Variants in MROH1 observed in about 807,000 individuals in gnomAD.
MROH1 encodes maestro heat-like repeat-containing protein family member 1.
In MROH1, 117 loss-of-function variants were observed where a neutral mutation model predicts 116.5. That is an observed-to-expected ratio of 1.00 (90% CI 0.86 to 1.17). The LOEUF (loss-of-function observed/expected upper bound fraction) is 1.17. Among genes scored for constraint, MROH1 ranks in the 50% most tolerant of loss-of-function variants. MROH1 has a pLI of 0.00. For synonymous variants in MROH1, 921 were observed against 583.9 expected (o/e 1.58, Z -8.32); for missense variants, 1,873 against 1,338.5 (o/e 1.40, Z -6.23).
chr8:144,160,654 C>A (rs1819288167), intron 1 of MROH1, among the ~76,000 whole-genome samples: 1 of 149,826 alleles, frequency 6.7e-6, no homozygotes, highest in Non-Finnish European at 1.5e-5. Context: ...CGGCTAGAAC[C>A]CAGGCACCAG....
In MROH1 at chr8:144,163,835, G is replaced by GTCC; in HGVS notation, c.13_15dup (p.Ser5dup). The GTCC allele has an allele frequency of 3.7e-6, 6 of 1,613,732 alleles. No individual in the cohort carries two copies. Among genetic ancestry groups the GTCC allele is most frequent in the Non-Finnish European group, 5.1e-6 (6 of 1,179,756 alleles). ...AAGCTGAAACCACAGACATGACTGA[G>GTCC]TCCTCCATGAAGAGTGAGTGCATGG... On this transcript the variant is annotated inframe_insertion, in exon 3 of 44. Transcript: ENST00000326134. The surrounding 1 kb of genome is among the most constrained non-coding windows in gnomAD (Gnocchi z 4.4).
At chr8:144,148,511 A>G (rs956597218) in intron 1 of MROH1, 5 of 152,308 alleles carry the variant, frequency 3.3e-5, no homozygotes, top group African/African-American at 9.6e-5. Context: ...AGGCGGGGCC[A>G]CCGGGGGTCC....
At chr8:144,221,576 T>C (rs1836750589) in intron 13 of MROH1, among the ~76,000 whole-genome samples, 1 of 152,030 alleles carries the variant, frequency 6.6e-6, no homozygotes, top group South Asian at 2.1e-4. Context: ...GAGACTCTTG[T>C]TGTTTCCCCA....
At chr8:144,214,859 G>T (rs1041645665) in intron 12 of MROH1, among the ~76,000 whole-genome samples, 1 of 152,192 alleles carries the variant, frequency 6.6e-6, no homozygotes, top group Non-Finnish European at 1.5e-5. Context: ...ACAATAGGTG[G>T]TCTGCAAGCT....
chr8:144,176,003 C>T (rs1032776997), intron 4 of MROH1, among the ~76,000 whole-genome samples: 3 of 151,756 alleles, frequency 2.0e-5, no homozygotes, highest in African/African-American at 4.8e-5. Context: ...GAGCCGAGAT[C>T]ATAACACTGC....
chr8:144,195,664 G>A (rs1286358328), intron 10 of MROH1, among the ~76,000 whole-genome samples: 2 of 151,900 alleles, frequency 1.3e-5, no homozygotes, highest in African/African-American at 4.8e-5. Context: ...TTATAACCTT[G>A]TATTATATAT....
rs1173930776 is a variant in MROH1 at position 144,239,174 on chromosome 8, C to T, written c.1586C>T (p.Ala529Val). Residue 529 changes from alanine (A) to valine (V), a missense_variant, in exon 16 of 44, where the codon GCC (alanine) becomes GTC (valine). Coordinates refer to ENST00000326134, the MANE Select transcript of MROH1 (RefSeq NM_032450.3). ...GADAFLIQYD[A>V]HASLPSPYAV... ...GACGCCTTCCTCATCCAGTACGACG[C>T]CCATGGTGCGTGCCGCGCCGTACCC... 7.9e-6 allele frequency: 6 copies of T among 763,516 alleles called. No individual in the cohort carries two copies. In the East Asian group the frequency reaches 9.8e-5, roughly 12 times the overall value. The allele number at this position is 763,516 out of a possible 1,614,324, so 47.3% of individuals were successfully genotyped here.
chr8:144,213,464 A>G (rs898322113), intron 12 of MROH1: 1 of 193,420 alleles, frequency 5.2e-6, no homozygotes, highest in African/African-American at 2.3e-5. Flanking sequence ...GGATGCCCCG[A>G]ATATTGTGTG....
At chr8:144,225,188 G>A (rs1231465568) in intron 14 of MROH1, among the ~76,000 whole-genome samples, 3 of 151,876 alleles carry the variant, frequency 2.0e-5, no homozygotes, top group Non-Finnish European at 4.4e-5. Context: ...ACAGGCATGC[G>A]CCAGCCACCA....
rs1825413318 is a variant in MROH1 at position 144,180,761 on chromosome 8, T to C, written c.562+238T>C. Reference sequence around the variant, plus strand: ...AGAGCCCCCCACCTTACATTGTGGGTCCACTGAGGGCTGGACGTGCCTGGG... The same window carrying C: ...AGAGCCCCCCACCTTACATTGTGGGCCCACTGAGGGCTGGACGTGCCTGGG... On this transcript the variant is annotated intron_variant, in intron 7 of 43. Transcript: ENST00000326134. The surrounding 1 kb of genome is among the most constrained non-coding windows in gnomAD (Gnocchi z 7.4). Among the ~76,000 whole-genome samples the C allele has an allele frequency of 6.6e-6, 1 of 152,100 alleles. No homozygotes were observed. The highest frequency in any genetic ancestry group is 1.5e-5 in the Non-Finnish European group (1 of 68,010).
In MROH1 at chr8:144,261,858, C is replaced by G; in HGVS notation, c.*118C>G. 1.4e-6 allele frequency: 1 copy of G among 691,758 alleles called. No homozygotes were observed. 42.9% of individuals were successfully genotyped at this position (691,758 alleles called of 1,614,324 possible). A position where few individuals can be genotyped will look rare whatever the true frequency, so the allele number is the denominator to read the frequency against. Reference sequence around the variant, plus strand: ...CGACTGGAGGGGCCTGGCCCCAGAACAGGCACTGCTGGGGACCAAACCCAA... The same window carrying G: ...CGACTGGAGGGGCCTGGCCCCAGAAGAGGCACTGCTGGGGACCAAACCCAA... On this transcript the variant is annotated 3_prime_UTR_variant, in exon 44 of 44. Coordinates refer to ENST00000326134, the MANE Select transcript of MROH1 (RefSeq NM_032450.3).
rs774570306 is a variant in MROH1 at position 144,199,151 on chromosome 8, C to T, written c.978C>T (p.Pro326=). The part of the protein sequence containing the change: ...QICVPVESSS[P]LVMSNQKEVL... ...GTGTGCCTGTGGAGTCCTCAAGCCC[C>T]CTGGTGATGAGTAACCAGAAGGAGG... Residue 326 remains proline (P), a synonymous_variant, in exon 11 of 44, where the codon CCC becomes CCT. Transcript: ENST00000326134. 3.7e-6 allele frequency: 6 copies of T among 1,613,638 alleles called. No individual in the cohort carries two copies. Among genetic ancestry groups the T allele is most frequent in the Non-Finnish European group, 5.1e-6 (6 of 1,179,842 alleles).
At chr8:144,174,620 A>G (rs988246950) in intron 4 of MROH1, among the ~76,000 whole-genome samples, 1 of 151,806 alleles carries the variant, frequency 6.6e-6, no homozygotes, top group African/African-American at 2.4e-5. Flanking sequence ...AGTAGCTGGG[A>G]CCACAGGCGC....
rs1169012812 is a variant in MROH1, at chr8:144,238,793, C to T, written c.1376C>T (p.Ala459Val). ...KPGPGSKDPKADSVRAISVRT... is the reference protein window; with the variant it reads ...KPGPGSKDPKVDSVRAISVRT... ...GGCCCCGGCAGCAAGGACCCCAAGG[C>T]CGACAGCGTGCGGGCCATCAGCGTG... is the stretch of plus-strand genomic sequence containing the variant. The change falls in exon 15 of 44, where the codon GCC (alanine) becomes GTC (valine). Residue 459 changes from alanine (A) to valine (V), a missense_variant. By Grantham distance (64) the Ala-to-Val change is moderately conservative. Coordinates refer to ENST00000326134, the MANE Select transcript of MROH1 (RefSeq NM_032450.3). The T allele has an allele frequency of 3.9e-6, 3 of 774,384 alleles. No homozygotes were observed. The highest frequency in any genetic ancestry group is 1.7e-5 in the African/African-American group (1 of 59,112). 48.0% of individuals were successfully genotyped at this position (774,384 alleles called of 1,614,324 possible).
chr8:144,204,885 A>G (rs2131959533), intron 12 of MROH1, among the ~76,000 whole-genome samples: 1 of 152,368 alleles, frequency 6.6e-6, no homozygotes, highest in South Asian at 2.1e-4. Context: ...ACCTAGATGT[A>G]GAATTTTGGG....
intron 12 of MROH1, among the ~76,000 whole-genome samples, chr8:144,217,672 C>T (rs1327069989): frequency 1.3e-5 from 2 of 152,204 alleles, no homozygotes; most frequent in African/African-American, 2.4e-5. Flanking sequence ...GGCACGATCT[C>T]GGCTCACTAC....
Position 144,168,427 on chromosome 8 carries a change from G to A in MROH1, c.155G>A (p.Arg52Gln), listed in dbSNP as rs764106973. The change falls in exon 4 of 44, where the codon CGG becomes CAG. Residue 52 changes from arginine to glutamine, a missense_variant. Arg to Gln is a conservative substitution (Grantham distance 43, BLOSUM62 1). Coordinates refer to ENST00000326134, the MANE Select transcript of MROH1 (RefSeq NM_032450.3). ...CTCCGTGCCTGCGAGGAGTATCTGC[G>A]GCAGCATGACAAGGTATGTGTGCTC... ...ETLRACEEYL[R>Q]QHDKLAHPYR... The A allele has an allele frequency of 7.8e-5, 125 of 1,608,304 alleles. No individual in the cohort carries two copies. Among genetic ancestry groups the A allele is most frequent in the Middle Eastern group, 3.3e-4 (2 of 6,064 alleles).
At chr8:144,181,308 A>AGGGGCCCGGTGGTGGGGGG (rs1825627879) in intron 7 of MROH1, among the ~76,000 whole-genome samples, 1 of 58,088 alleles carries the variant, frequency 1.7e-5, no homozygotes, top group Non-Finnish European at 3.8e-5. Flanking sequence ...GTGATGGGGG[A>AGGGGCCCGGTGGTGGGGGG]GGGGCCGGTG....
rs989682566 is a variant in MROH1, at chr8:144,239,358, C to T, written c.1627C>T (p.Leu543=). 1 of 780,586 alleles carries T rather than the reference C, an allele frequency of 1.3e-6. No individual in the cohort carries two copies. Among genetic ancestry groups the T allele is most frequent in the Non-Finnish European group, 2.4e-6 (1 of 417,844 alleles). The allele number at this position is 780,586 out of a possible 1,614,324, so 48.4% of individuals were successfully genotyped here. A position where few individuals can be genotyped will look rare whatever the true frequency, so the allele number is the denominator to read the frequency against. ...GTCTCCCTATGCTGTAACCGGAAGA[C>T]TGTTGGTGAGCCTCGCCCTTTCACA... ...LPSPYAVTGR[L]LVVSSSPYLG... is the part of the protein sequence containing the mutation. The change falls in exon 17 of 44, where the codon CTG becomes TTG. Residue 543 remains leucine, a synonymous_variant. Transcript: ENST00000326134.
Sources: allele counts gnomAD v4.1 joint callset (sites outside exome capture counted in the v4.1 genomes callset), GRCh38; gene constraint gnomAD v4.1.1; non-coding constraint Gnocchi (gnomAD v3.1); transcripts MANE v1.5; gene names NCBI Gene and HGNC (gene_info 2026-07-23, HGNC 2026-07-21).